The following CEP295NL variants were observed in gnomAD, a reference collection of about 807,000 sequenced individuals.
CEP295NL encodes CEP295 N-terminal like, also known as protein DDC8 homolog.
Under a neutral mutation model 4.6 loss-of-function variants are expected in CEP295NL, and 3 were observed. That is an observed-to-expected ratio of 0.65 (90% CI 0.30 to 1.69). The LOEUF is 1.69. CEP295NL is among the 40% of genes most tolerant of loss of function. The pLI, the probability that CEP295NL is intolerant of heterozygous loss-of-function variation, is 0.10. For missense variants in CEP295NL, 719 were observed against 769.0 expected (o/e 0.93, Z 0.77); for synonymous variants, 295 against 312.2 (o/e 0.94, Z 0.58).
At chr17:78,897,780 T>TTA (rs2070026803) in intron 2 of CEP295NL, 1 of 152,174 alleles carries the variant, frequency 6.6e-6, no homozygotes, top group African/African-American at 2.4e-5. Flanking sequence ...CCTCGGCCTG[T>TTA]AACAGACACG....
chr17:78,891,837 T>C lies in CEP295NL; in HGVS notation c.667A>G (p.Arg223Gly). Residue 223 changes from arginine (R) to glycine (G), a missense_variant, in exon 3 of 3, where the codon AGA becomes GGA. By Grantham distance (125) the Arg-to-Gly change is moderately radical. Transcript: ENST00000322630. This position sits in a 1 kb window ranked among gnomAD's most constrained non-coding sequence, Gnocchi z 4.5. ...GTCGAAGGTTCTGGCCTTCCCTTTC[T>C]CTTCTCAGGCGGGGCCAGGTGAGAA... ...MNSHLAPPEK[R>G]KGRPEPSTKS... 6.4e-7 allele frequency: 1 copy of C among 1,550,774 alleles called. No individual in the cohort carries two copies. Among genetic ancestry groups the C allele is most frequent in the Non-Finnish European group, 8.7e-7 (1 of 1,147,032 alleles).
At chr17:78,899,477 G>A (rs2070055740) in intron 2 of CEP295NL, 1 of 152,210 alleles carries the variant, frequency 6.6e-6, no homozygotes, top group Non-Finnish European at 1.5e-5. Flanking sequence ...AGATTCCTGG[G>A]CCTCACCCCT....
At chr17:78,901,306 A>G (rs909546287) in intron 2 of CEP295NL, 1 of 158,490 alleles carries the variant, frequency 6.3e-6, no homozygotes, top group African/African-American at 2.4e-5. Flanking sequence ...TTCAAAATCA[A>G]TAAAACCGTG....
Position 78,896,799 on chromosome 17 carries a change from G to T in CEP295NL, c.45-4340C>A. Reference sequence around the variant, plus strand: ...TCCCACAGAGCGGAGTGGACACTGGGCCCATTCTCCTCTCTTGCTCTCTAC... The same window carrying T: ...TCCCACAGAGCGGAGTGGACACTGGTCCCATTCTCCTCTCTTGCTCTCTAC... On this transcript the variant is annotated intron_variant, in intron 2 of 2. Transcript: ENST00000322630. This position sits in a 1 kb window ranked among gnomAD's most constrained non-coding sequence, Gnocchi z 4.4. 2.2e-6 allele frequency: 1 copy of T among 446,510 alleles called. No homozygotes were observed. The allele number at this position is 446,510 out of a possible 1,614,324, so 27.7% of individuals were successfully genotyped here. A position where few individuals can be genotyped will look rare whatever the true frequency, so the allele number is the denominator to read the frequency against.
intron 2 of CEP295NL, 100 bp from the exon 3 acceptor site, chr17:78,892,559 G>A: frequency 6.9e-7 from 1 of 1,454,772 alleles, no homozygotes; most frequent in South Asian, 1.5e-5. Flanking sequence ...GTGAGGACAG[G>A]CTGCAAAATG....
chr17:78,902,296 CG>C (rs1231882508), intron 1 of CEP295NL, among the ~76,000 whole-genome samples: 1 of 152,212 alleles, frequency 6.6e-6, no homozygotes, highest in African/African-American at 2.4e-5. Context: ...TTAGTAGAGA[CG>C]GGGATTCACC....
Position 78,890,921 on chromosome 17 carries a change from A to G in CEP295NL, c.1583T>C (p.Met528Thr), listed in dbSNP as rs59181893. The G allele has an allele frequency of 6.0e-3, 9,229 of 1,550,618 alleles. 486 individuals are homozygous for G. In the African/African-American group the frequency reaches 0.11, roughly 19 times the overall value. The change falls in exon 3 of 3, where the codon ATG becomes ACG. Residue 528 changes from methionine to threonine, a missense_variant. Transcript: ENST00000322630. ...ESLEQMEHPDMSLEIHYKAEL... is the reference protein window; with the variant it reads ...ESLEQMEHPDTSLEIHYKAEL... ...AGCTTTGTAGTGGATTTCCAAGCTC[A>G]TATCTGGGTGTTCCATTTGTTCAAG...
chr17:78,893,738 C>G (rs912718376), intron 2 of CEP295NL, among the ~76,000 whole-genome samples: 1 of 152,052 alleles, frequency 6.6e-6, no homozygotes, highest in African/African-American at 2.4e-5. Flanking sequence ...GGTGTTAGCT[C>G]TCTCTTCATG....
At chr17:78,897,499 G>C (rs946879330) in intron 2 of CEP295NL, 1 of 152,226 alleles carries the variant, frequency 6.6e-6, no homozygotes, top group South Asian at 2.1e-4. Context: ...GTGTTGTGAC[G>C]AGGCTGCTGG....
intron 2 of CEP295NL, chr17:78,897,885 G>A (rs1231653024): frequency 6.6e-6 from 1 of 152,246 alleles, no homozygotes. Context: ...TTTTCCTGGA[G>A]ACACGGAAAT....
chr17:78,894,274 C>A (rs968853114), intron 2 of CEP295NL, among the ~76,000 whole-genome samples: 1 of 151,944 alleles, frequency 6.6e-6, no homozygotes. Flanking sequence ...TGGTAAGTGG[C>A]AGAGACAGGC....
intron 2 of CEP295NL, among the ~76,000 whole-genome samples, chr17:78,900,788 A>T (rs1402023429): frequency 6.6e-6 from 1 of 152,230 alleles, no homozygotes; most frequent in African/African-American, 2.4e-5. Flanking sequence ...ATGGGAACAC[A>T]TCTAAAACTT....
Position 78,891,873 on chromosome 17 carries a change from C to G in CEP295NL, c.631G>C (p.Gly211Arg). The change falls in exon 3 of 3, where the codon GGT (glycine) becomes CGT (arginine). Residue 211 changes from glycine to arginine, a missense_variant. Transcript: ENST00000322630. The surrounding 1 kb of genome is among the most constrained non-coding windows in gnomAD (Gnocchi z 4.5). ...GGGGCCAGGTGAGAATTCATCCGACCCGTGGCTTTTGTAGTCTGTGGTTTC... is the reference window on the plus strand; with the variant it reads ...GGGGCCAGGTGAGAATTCATCCGACGCGTGGCTTTTGTAGTCTGTGGTTTC... Reference protein sequence around the residue: ...PEKPQTTKATGRMNSHLAPPE... With the variant: ...PEKPQTTKATRRMNSHLAPPE... 1 of 1,550,660 alleles carries G rather than the reference C, an allele frequency of 6.4e-7. No individual in the cohort carries two copies. Among genetic ancestry groups the G allele is most frequent in the South Asian group, 1.2e-5 (1 of 84,062 alleles).
rs758054213 is a variant in CEP295NL at position 78,891,240 on chromosome 17, C to A, written c.1264G>T (p.Asp422Tyr). The change falls in exon 3 of 3, where the codon GAC becomes TAC. Residue 422 changes from aspartate to tyrosine, a missense_variant. Asp to Tyr is a radical substitution (Grantham distance 160). Coordinates refer to ENST00000322630, the MANE Select transcript of CEP295NL (RefSeq NM_001243540.2). The surrounding 1 kb of genome is among the most constrained non-coding windows in gnomAD (Gnocchi z 4.5). ...GCCTTGCCCATGAACGTTTTCAAGT[C>A]GGTCTTGGACGCTGCCTGCTGCGCC... ...EEAQQAASKT[D>Y]LKTFMGKAQN... 1.3e-6 allele frequency: 2 copies of A among 1,550,648 alleles called. No homozygotes were observed. The highest frequency in any genetic ancestry group is 1.7e-6 in the Non-Finnish European group (2 of 1,147,004).
At position 78,890,796 on chromosome 17, in the gene CEP295NL, T is replaced by C. The variant is rs1191069622; in HGVS notation, c.1708A>G (p.Ser570Gly). ...CTGGTGCCCGATGGGGAAGTGGTGC[T>C]GAGCTCAGATCCTCTCTCCCTTTCC... ...AQERERGSEL[S>G]TTSPSGTSLA... The change falls in exon 3 of 3, where the codon AGC becomes GGC. Residue 570 changes from serine (S) to glycine (G), a missense_variant. Physicochemically the swap from Ser to Gly is moderately conservative, Grantham distance 56 (BLOSUM62 0). Coordinates refer to ENST00000322630, the MANE Select transcript of CEP295NL (RefSeq NM_001243540.2). 2.6e-6 allele frequency: 4 copies of C among 1,550,532 alleles called. No homozygotes were observed. The highest frequency in any genetic ancestry group is 1.4e-5 in the African/African-American group (1 of 73,058).
chr17:78,894,241 A>G (rs1016995562), intron 2 of CEP295NL, among the ~76,000 whole-genome samples: 1 of 152,014 alleles, frequency 6.6e-6, no homozygotes, highest in Non-Finnish European at 1.5e-5. Flanking sequence ...AGAGATGAAG[A>G]TGCTTAACCC....
intron 2 of CEP295NL, chr17:78,900,156 T>C (rs1214164372): frequency 6.6e-6 from 1 of 152,196 alleles, no homozygotes; most frequent in East Asian, 1.9e-4. Flanking sequence ...AGAATGCAAT[T>C]TGGGTTTTTT....
chr17:78,892,253 T>C lies in CEP295NL; in HGVS notation c.251A>G (p.Gln84Arg). Residue 84 changes from glutamine to arginine, a missense_variant, in exon 3 of 3, where the codon CAA (glutamine) becomes CGA (arginine). Gln to Arg is a conservative substitution (Grantham distance 43). Coordinates refer to ENST00000322630, the MANE Select transcript of CEP295NL (RefSeq NM_001243540.2). Reference protein sequence around the residue: ...LLWRKKHKLLQARGKGDLALQ... With the variant: ...LLWRKKHKLLRARGKGDLALQ... ...AGCGAGATCGCCTTTGCCCCGGGCT[T>C]GTAGCAATTTGTGCTTTTTCCTCCA... The C allele has an allele frequency of 6.4e-7, 1 of 1,550,896 alleles. No individual in the cohort carries two copies. The highest frequency in any genetic ancestry group is 8.7e-7 in the Non-Finnish European group (1 of 1,147,052).
Position 78,896,758 on chromosome 17 carries a change from G to A in CEP295NL, c.45-4299C>T, listed in dbSNP as rs1386147149. Among the ~76,000 whole-genome samples the A allele has an allele frequency of 2.0e-5, 3 of 152,202 alleles. No individual in the cohort carries two copies. Among genetic ancestry groups the A allele is most frequent in the East Asian group, 1.9e-4 (1 of 5,168 alleles). ...GCGAGTGGACACCAATCTGGCCTCC[G>A]GACGGCACCAGGGCCTCCCACAGAG... On this transcript the variant is annotated intron_variant, in intron 2 of 2. Coordinates refer to ENST00000322630, the MANE Select transcript of CEP295NL (RefSeq NM_001243540.2). This position sits in a 1 kb window ranked among gnomAD's most constrained non-coding sequence, Gnocchi z 4.4.
Sources: allele counts gnomAD v4.1 joint callset (sites outside exome capture counted in the v4.1 genomes callset), GRCh38; gene constraint gnomAD v4.1.1; non-coding constraint Gnocchi (gnomAD v3.1); transcripts MANE v1.5; gene names NCBI Gene and HGNC (gene_info 2026-07-23, HGNC 2026-07-21).